ATF7IP2: variants seen among roughly 807,000 people sequenced by gnomAD.
The protein encoded by ATF7IP2 is activating transcription factor 7 interacting protein 2, also known as activating transcription factor 7-interacting protein 2.
In ATF7IP2, 42 loss-of-function variants were observed where a neutral mutation model predicts 64.2. The observed-to-expected ratio is 0.65, with a 90% CI of 0.51 to 0.85. The LOEUF (loss-of-function observed/expected upper bound fraction) is 0.85. Among genes scored for constraint, ATF7IP2 ranks in the 40% least tolerant of loss-of-function variants. ATF7IP2 has a pLI of 0.00. For missense variants in ATF7IP2, 933 were observed against 784.2 expected (o/e 1.19, Z -2.27); for synonymous variants, 308 against 272.8 (o/e 1.13, Z -1.27).
rs776325391 is a variant in ATF7IP2, at chr16:10,480,952, A to C, written c.1623A>C (p.Gln541His). The change falls in exon 13 of 14, where the codon CAA becomes CAC. Residue 541 changes from glutamine to histidine, a missense_variant. Physicochemically the swap from Gln to His is conservative, Grantham distance 24. Transcript: ENST00000562102. ...SNSKETTPLAQNAVQVPESFE... is the reference protein window; with the variant it reads ...SNSKETTPLAHNAVQVPESFE... ...CAAAGGAAACAACCCCATTGGCACA[A>C]AATGCAGTCCAGGTACTGAATCAAA... 6.6e-5 allele frequency: 106 copies of C among 1,607,196 alleles called. No individual in the cohort carries two copies. Among genetic ancestry groups the C allele is most frequent in the Non-Finnish European group, 8.9e-5 (105 of 1,173,932 alleles).
rs1261973804 is a variant in ATF7IP2, at chr16:10,429,033, G to C, written c.-11+17G>C. On this transcript the variant is annotated intron_variant, in intron 4 of 13. Transcript: ENST00000562102. ...AGACCACAGGTATGTGCCACACCTG[G>C]TTGAATTCTCCCTTTAAAATAATAT... 2 of 152,160 alleles carry C rather than the reference G, an allele frequency of 1.3e-5. No homozygotes were observed. Among genetic ancestry groups the C allele is most frequent in the East Asian group, 3.9e-4 (2 of 5,172 alleles). The allele number at this position is 152,160 out of a possible 1,614,324, so 9.4% of individuals were successfully genotyped here.
At chr16:10,389,239 G>A (rs1484717033) in intron 1 of ATF7IP2, among the ~76,000 whole-genome samples, 1 of 152,108 alleles carries the variant, frequency 6.6e-6, no homozygotes, top group Non-Finnish European at 1.5e-5. Flanking sequence ...GAAAGATAGT[G>A]TAGTCATGGT....
chr16:10,404,896 A>G (rs1187991680), intron 1 of ATF7IP2, among the ~76,000 whole-genome samples: 1 of 152,114 alleles, frequency 6.6e-6, no homozygotes, highest in African/African-American at 2.4e-5. Flanking sequence ...TGGGATTGTC[A>G]AAGTGCTGAA....
intron 1 of ATF7IP2, among the ~76,000 whole-genome samples, chr16:10,391,182 G>A (rs559196977): frequency 2.0e-5 from 3 of 151,192 alleles, no homozygotes; most frequent in African/African-American, 4.9e-5. Context: ...TGTGCTGGGC[G>A]TGGGGGCTCA....
chr16:10,448,494 G>A (rs2048883348), intron 8 of ATF7IP2: 1 of 152,064 alleles, frequency 6.6e-6, no homozygotes, highest in African/African-American at 2.4e-5. Flanking sequence ...CACATCCCTT[G>A]TAAGTTGGAT....
At chr16:10,430,318 G>T (rs1015738434) in intron 4 of ATF7IP2, among the ~76,000 whole-genome samples, 1 of 152,088 alleles carries the variant, frequency 6.6e-6, no homozygotes, top group Non-Finnish European at 1.5e-5. Flanking sequence ...ATAGTGAATG[G>T]TTATAGCACT....
At chr16:10,444,612 G>GT (rs1396380645) in intron 8 of ATF7IP2, among the ~76,000 whole-genome samples, 3 of 152,192 alleles carry the variant, frequency 2.0e-5, no homozygotes, top group Admixed American at 6.5e-5. Flanking sequence ...TTGAGGGGCA[G>GT]TTTGAATTCT....
At chr16:10,410,332 GTTTTGTTTTGTTTTGTTTTGTTTTGT>G (rs1289878176) in intron 1 of ATF7IP2, among the ~76,000 whole-genome samples, 10 of 28,886 alleles carry the variant, frequency 3.5e-4, no homozygotes, top group Non-Finnish European at 7.3e-5. Flanking sequence ...GTTTTGTTTT[GTTTTGTTTTGTTTTGTTTTGTTTTGT>G]TTTTGTTTTT....
intron 9 of ATF7IP2, among the ~76,000 whole-genome samples, chr16:10,462,480 G>C (rs2049407712): frequency 6.6e-6 from 1 of 152,118 alleles, no homozygotes; most frequent in African/African-American, 2.4e-5. Context: ...TATAGAATTA[G>C]AGGTTGGCAG....
chr16:10,419,954 C>T (rs1268359063), intron 3 of ATF7IP2, among the ~76,000 whole-genome samples: 2 of 152,206 alleles, frequency 1.3e-5, no homozygotes, highest in Admixed American at 6.5e-5. Flanking sequence ...TAGCATCTGG[C>T]CTTTAGGCAG....
chr16:10,479,660 A>AC (rs1445785760), intron 12 of ATF7IP2, among the ~76,000 whole-genome samples: 1 of 149,274 alleles, frequency 6.7e-6, no homozygotes, highest in African/African-American at 2.5e-5. Flanking sequence ...ATAATAATTA[A>AC]AAAAAAAAAG....
rs766374861 is a variant in ATF7IP2, at chr16:10,431,071, G to C, written c.451G>C (p.Val151Leu). The change falls in exon 5 of 14, where the codon GTA (valine) becomes CTA (leucine). Residue 151 changes from valine to leucine, a missense_variant. Val to Leu is a conservative substitution (Grantham distance 32, BLOSUM62 1). Coordinates refer to ENST00000562102, the MANE Select transcript of ATF7IP2 (RefSeq NM_001393719.1). ...AAACGATTCTGAGCATCAGACAAATGTAACAAGATCCCTTTTTGAGCATGA... is the reference window on the plus strand; with the variant it reads ...AAACGATTCTGAGCATCAGACAAATCTAACAAGATCCCTTTTTGAGCATGA... ...SENDSEHQTN[V>L]TRSLFEHEGA... 1.9e-6 allele frequency: 3 copies of C among 1,614,118 alleles called. No homozygotes were observed. Among genetic ancestry groups the C allele is most frequent in the Non-Finnish European group, 2.5e-6 (3 of 1,180,032 alleles).
chr16:10,391,775 T>C (rs2047330941), intron 1 of ATF7IP2, among the ~76,000 whole-genome samples: 2 of 151,786 alleles, frequency 1.3e-5, no homozygotes, highest in Non-Finnish European at 2.9e-5. Context: ...TGCACGCCTG[T>C]AGTCCCAGCT....
At chr16:10,467,427 G>C (rs913728011) in intron 9 of ATF7IP2, among the ~76,000 whole-genome samples, 1 of 152,058 alleles carries the variant, frequency 6.6e-6, no homozygotes, top group Non-Finnish European at 1.5e-5. Flanking sequence ...CATCTGAGAA[G>C]AATTACTTAA....
At chr16:10,404,731 G>A (rs2047601526) in intron 1 of ATF7IP2, among the ~76,000 whole-genome samples, 2 of 151,934 alleles carry the variant, frequency 1.3e-5, no homozygotes, top group South Asian at 2.1e-4. Context: ...GTAGTGACAG[G>A]ATTTCCCCAT....
At chr16:10,404,378 G>C (rs111572499) in intron 1 of ATF7IP2, among the ~76,000 whole-genome samples, 2 of 152,016 alleles carry the variant, frequency 1.3e-5, no homozygotes, top group East Asian at 1.9e-4. Flanking sequence ...TCAGCCTCCC[G>C]AGTAGCTGGG....
intron 8 of ATF7IP2, among the ~76,000 whole-genome samples, chr16:10,454,790 A>G (rs141679896): frequency 6.6e-4 from 100 of 152,268 alleles, no homozygotes; most frequent in African/African-American, 2.2e-3. Flanking sequence ...TTTGTTTTCC[A>G]TCAGTTCAAA....
At chr16:10,445,451 C>T (rs1432872297) in intron 8 of ATF7IP2, 1 of 152,158 alleles carries the variant, frequency 6.6e-6, no homozygotes, top group Non-Finnish European at 1.5e-5. Flanking sequence ...AAAGGCTTTT[C>T]TTGTGTCCTG....
chr16:10,434,371 T>C (rs1039837201), intron 6 of ATF7IP2, among the ~76,000 whole-genome samples: 2 of 150,924 alleles, frequency 1.3e-5, no homozygotes, highest in African/African-American at 4.8e-5. Context: ...CTACAAATCA[T>C]TACCTAGTAG....
Sources: gnomAD v4.1 joint callset for allele counts (sites outside exome capture counted in the v4.1 genomes callset) on GRCh38, gnomAD v4.1.1 for gene constraint, MANE v1.5 for transcripts, NCBI Gene and HGNC (gene_info 2026-07-23, HGNC 2026-07-21) for gene names.